The following RUNX1 variants were observed in gnomAD, a reference collection of about 807,000 sequenced individuals.
RUNX1 encodes runt-related transcription factor 1.
A neutral mutation model predicts 42.8 loss-of-function variants in RUNX1; 19 were observed. The ratio of observed to expected loss-of-function variants is 0.44; its 90% CI spans 0.31 to 0.65. The LOEUF (loss-of-function observed/expected upper bound fraction) is 0.65, where lower values mean the gene tolerates loss of function less well. RUNX1 is among the 30% of genes least tolerant of loss of function. The probability of loss-of-function intolerance (pLI) is 0.07; values close to 1 mark genes in which losing one functional copy is unlikely to be tolerated. For missense variants in RUNX1, 528 were observed against 672.0 expected (o/e 0.79, Z 2.37); for synonymous variants, 271 against 289.4 (o/e 0.94, Z 0.64).
chr21:34,879,064 A>G (rs960578388), intron 5 of RUNX1, among the ~76,000 whole-genome samples: 2 of 152,216 alleles, frequency 1.3e-5, no homozygotes, highest in African/African-American at 4.8e-5. Context: ...GCCGATGGGC[A>G]TGGACCAGGC....
chr21:34,819,660 GCT>G (rs1021577998), intron 7 of RUNX1, among the ~76,000 whole-genome samples: 1 of 152,218 alleles, frequency 6.6e-6, no homozygotes, highest in Non-Finnish European at 1.5e-5. Context: ...TCTGGTCCCA[GCT>G]CTCTCCCTCT....
At chr21:34,821,057 G>A (rs1209067700) in intron 7 of RUNX1, among the ~76,000 whole-genome samples, 8 of 152,172 alleles carry the variant, frequency 5.3e-5, no homozygotes. Flanking sequence ...GTGGAACAGT[G>A]GTTATGGGAA....
intron 2 of RUNX1, chr21:35,038,880 TG>T (rs138442038): frequency 2.7e-6 from 1 of 373,042 alleles, no homozygotes; most frequent in African/African-American, 2.1e-5. Flanking sequence ...GCTGTTGTGG[TG>T]GTTCAAATTT....
chr21:34,934,558 C>T (rs950314983), intron 2 of RUNX1, among the ~76,000 whole-genome samples: 5 of 152,126 alleles, frequency 3.3e-5, no homozygotes, highest in Non-Finnish European at 5.9e-5. Context: ...GAAGCTTGGC[C>T]TTGGAGGCAC....
At chr21:34,990,887 G>A (rs1301670903) in intron 2 of RUNX1, among the ~76,000 whole-genome samples, 1 of 152,132 alleles carries the variant, frequency 6.6e-6, no homozygotes, top group Admixed American at 6.5e-5. Flanking sequence ...CACCGTGCCC[G>A]GCTGGGGAAT....
At chr21:34,793,906 G>A (rs1035416629) in intron 8 of RUNX1, among the ~76,000 whole-genome samples, 4 of 151,766 alleles carry the variant, frequency 2.6e-5, no homozygotes, top group African/African-American at 7.3e-5. Flanking sequence ...ATTTCACCAC[G>A]TTGGCTAGGC....
At chr21:34,863,303 A>G (rs974554135) in intron 5 of RUNX1, among the ~76,000 whole-genome samples, 2 of 152,104 alleles carry the variant, frequency 1.3e-5, no homozygotes, top group Non-Finnish European at 2.9e-5. Context: ...CTTTATCCAC[A>G]CCTACCACTG....
At chr21:34,965,988 C>T (rs561465947) in intron 2 of RUNX1, among the ~76,000 whole-genome samples, 8 of 152,286 alleles carry the variant, frequency 5.3e-5, no homozygotes, top group Non-Finnish European at 8.8e-5. Context: ...CATCCCAGGG[C>T]GGTCTCGATG....
intron 2 of RUNX1, among the ~76,000 whole-genome samples, chr21:34,922,948 C>G (rs190734543): frequency 1.3e-5 from 2 of 152,204 alleles, no homozygotes; most frequent in African/African-American, 4.8e-5. Context: ...ATCTTCACAA[C>G]AATCCTTAGA....
chr21:34,817,793 T>C (rs983324968), intron 7 of RUNX1, among the ~76,000 whole-genome samples: 1 of 152,174 alleles, frequency 6.6e-6, no homozygotes, highest in African/African-American at 2.4e-5. Flanking sequence ...CATTTCAGGG[T>C]GGCTTTGACT....
At chr21:34,933,153 C>G (rs1197888802) in intron 2 of RUNX1, among the ~76,000 whole-genome samples, 1 of 152,134 alleles carries the variant, frequency 6.6e-6, no homozygotes, top group Non-Finnish European at 1.5e-5. Flanking sequence ...CAGGACATAA[C>G]AGTTTATCTT....
intron 6 of RUNX1, among the ~76,000 whole-genome samples, chr21:34,839,510 C>T (rs2057199962): frequency 1.3e-5 from 2 of 152,164 alleles, no homozygotes; most frequent in Admixed American, 6.6e-5. Context: ...AGTTTTAGAT[C>T]TCAGAGACAC....
chr21:34,968,480 A>T (rs1328616832), intron 2 of RUNX1, among the ~76,000 whole-genome samples: 1 of 152,022 alleles, frequency 6.6e-6, no homozygotes, highest in African/African-American at 2.4e-5. Flanking sequence ...TATCCTCCAC[A>T]TCCTCATGAG....
intron 2 of RUNX1, among the ~76,000 whole-genome samples, chr21:34,967,098 A>T (rs1255578912): frequency 2.0e-5 from 3 of 151,864 alleles, no homozygotes; most frequent in Non-Finnish European, 4.4e-5. Flanking sequence ...AGGCGAGTGG[A>T]TCATGAAGTC....
chr21:34,909,390 T>C (rs1207083451), intron 2 of RUNX1, among the ~76,000 whole-genome samples: 2 of 152,116 alleles, frequency 1.3e-5, no homozygotes, highest in African/African-American at 4.8e-5. Flanking sequence ...GATAGGTTTA[T>C]TACTTTGTTC....
At chr21:34,806,087 G>A (rs1204523719) in intron 7 of RUNX1, among the ~76,000 whole-genome samples, 1 of 152,132 alleles carries the variant, frequency 6.6e-6, no homozygotes, top group African/African-American at 2.4e-5. Flanking sequence ...AGAATCAGGT[G>A]CAACAAATAT....
At chr21:34,888,114 C>T (rs111312289) in intron 3 of RUNX1, 11,257 of 1,066,290 alleles carry the variant, frequency 0.011, 175 homozygotes, top group East Asian at 0.076. Flanking sequence ...CTTCGGAAGG[C>T]AGCCACTGTC....
intron 4 of RUNX1, among the ~76,000 whole-genome samples, chr21:34,884,376 A>AGTG (rs1356885914): frequency 1.3e-5 from 2 of 152,256 alleles, no homozygotes; most frequent in Non-Finnish European, 2.9e-5. Flanking sequence ...GAAGGCCTTC[A>AGTG]GTGATCTTTT....
intron 6 of RUNX1, among the ~76,000 whole-genome samples, chr21:34,838,355 T>C (rs904260677): frequency 2.0e-5 from 3 of 152,144 alleles, no homozygotes; most frequent in Non-Finnish European, 2.9e-5. Flanking sequence ...TATTAGTCTA[T>C]GTTTCCGATA....
Sources: gnomAD v4.1 joint callset for allele counts (sites outside exome capture counted in the v4.1 genomes callset) on GRCh38, gnomAD v4.1.1 for gene constraint, MANE v1.5 for transcripts, NCBI Gene and HGNC (gene_info 2026-07-23, HGNC 2026-07-21) for gene names.